ISG20: variants seen among roughly 807,000 people sequenced by gnomAD.
ISG20 encodes interferon stimulated exonuclease gene 20, also known as interferon-stimulated gene 20 kDa protein.
Under a neutral mutation model 11.1 loss-of-function variants are expected in ISG20, and 8 were observed. The observed-to-expected ratio is 0.72, with a 90% CI of 0.42 to 1.30. The LOEUF (loss-of-function observed/expected upper bound fraction) is 1.30. ISG20 is among the 50% of genes most tolerant of loss of function. ISG20 has a pLI of 0.01. For synonymous variants in ISG20, 110 were observed against 101.7 expected, an observed-to-expected ratio of 1.08 and a Z score of -0.49; for missense variants, 243 against 250.2, an observed-to-expected ratio of 0.97 and a Z score of 0.19.
At chr15:88,641,364 G>A (rs1413287057) in intron 2 of ISG20, among the ~76,000 whole-genome samples, 3 of 152,090 alleles carry the variant, frequency 2.0e-5, no homozygotes, top group Admixed American at 6.5e-5. Flanking sequence ...TGTTAGGGCT[G>A]CCATAACAAA....
intron 3 of ISG20, among the ~76,000 whole-genome samples, chr15:88,652,783 G>A (rs2058309022): frequency 6.7e-6 from 1 of 150,286 alleles, no homozygotes. Context: ...TGCTTTTGTT[G>A]TTGAAATCAA....
At chr15:88,636,999 A>G (rs756306018), upstream of ISG20, among the ~76,000 whole-genome samples, 3 of 148,992 alleles carry the variant, frequency 2.0e-5, no homozygotes, top group Non-Finnish European at 4.4e-5. Flanking sequence ...GAAGACAGAA[A>G]GAGCCAGTGT....
At position 88,655,468 on chromosome 15, in the gene ISG20, C is replaced by T; in HGVS notation, c.483C>T (p.Leu161=). Residue 161 remains leucine, a synonymous_variant, in exon 4 of 4, where the codon CTC becomes CTT. Transcript: ENST00000306072. ...SVEDARATME[L]YQISQRIRAR... is the part of the protein sequence containing the mutation. The stretch of plus-strand genomic sequence containing the variant: ...AAGATGCGAGGGCAACGATGGAGCT[C>T]TATCAAATCTCCCAGAGAATCCGAG... The T allele has an allele frequency of 1.9e-6, 3 of 1,614,008 alleles. No homozygotes were observed. Among genetic ancestry groups the T allele is most frequent in the Non-Finnish European group, 2.5e-6 (3 of 1,180,006 alleles).
upstream of ISG20, among the ~76,000 whole-genome samples, chr15:88,636,517 C>T (rs1317167473): frequency 6.6e-6 from 1 of 152,118 alleles, no homozygotes; most frequent in Non-Finnish European, 1.5e-5. Context: ...GTGCTAATTC[C>T]TATGGGAAAA....
At chr15:88,640,511 A>G (rs1450090153) in intron 2 of ISG20, among the ~76,000 whole-genome samples, 1 of 152,218 alleles carries the variant, frequency 6.6e-6, no homozygotes, top group Non-Finnish European at 1.5e-5. Flanking sequence ...TTTCAATCTC[A>G]GTTCCCATTA....
rs2058038369 is a variant in ISG20 at position 88,639,283 on chromosome 15, G to A, written c.-24-60G>A. 2.8e-6 allele frequency: 3 copies of A among 1,077,180 alleles called. No individual in the cohort carries two copies. The highest frequency in any genetic ancestry group is 4.0e-6 in the Non-Finnish European group (3 of 749,632). 66.7% of individuals were successfully genotyped at this position (1,077,180 alleles called of 1,614,324 possible). On this transcript the variant is annotated intron_variant, in intron 1 of 3. Coordinates refer to ENST00000306072, the MANE Select transcript of ISG20 (RefSeq NM_002201.6). This position sits in a 1 kb window ranked among gnomAD's most constrained non-coding sequence, Gnocchi z 4.2. ...GGTAAGGCCAGCTGGGGTTGGCTGA[G>A]GACACCTGGAGGCTTGGTTTGCCCA... is the stretch of plus-strand genomic sequence containing the variant.
intron 2 of ISG20, chr15:88,648,022 C>T (rs2058208490): frequency 6.6e-6 from 1 of 152,366 alleles, no homozygotes; most frequent in East Asian, 1.9e-4. Flanking sequence ...CTTGTGGGAA[C>T]CAGGCACTAG....
chr15:88,646,638 C>T (rs568612316), intron 2 of ISG20, among the ~76,000 whole-genome samples: 2 of 152,336 alleles, frequency 1.3e-5, no homozygotes, highest in East Asian at 1.9e-4. Flanking sequence ...ACAGATCAGG[C>T]TCACGGGCCC....
In ISG20 at chr15:88,643,917, A is replaced by G. The variant is rs1043225646; in HGVS notation, c.228+4323A>G. 1.3e-5 allele frequency among the ~76,000 whole-genome samples: 2 copies of G among 152,214 alleles called. No homozygotes were observed. The highest frequency in any genetic ancestry group is 4.8e-5 in the African/African-American group (2 of 41,454). ...GAAAATCTGAAATTTGAAATGTTCC[A>G]ATGAGCATTTCCTTTGAGCGTCATG... is the stretch of plus-strand genomic sequence containing the variant. On this transcript the variant is annotated intron_variant, in intron 2 of 3. Coordinates refer to ENST00000306072, the MANE Select transcript of ISG20 (RefSeq NM_002201.6). The surrounding 1 kb of genome is among the most constrained non-coding windows in gnomAD (Gnocchi z 4.4).
At chr15:88,648,130 G>A (rs1015369387) in intron 2 of ISG20, 3 of 152,236 alleles carry the variant, frequency 2.0e-5, no homozygotes, top group African/African-American at 4.8e-5. Context: ...CCTGTCCTCT[G>A]TAAGAACAAG....
chr15:88,653,920 T>C (rs933200838), intron 3 of ISG20, among the ~76,000 whole-genome samples: 4 of 152,180 alleles, frequency 2.6e-5, no homozygotes, highest in Admixed American at 2.0e-4. Flanking sequence ...GACCCTGCCA[T>C]TTATGAAGCC....
intron 3 of ISG20, among the ~76,000 whole-genome samples, chr15:88,653,761 G>T (rs1351442069): frequency 7.7e-6 from 1 of 130,550 alleles, no homozygotes; most frequent in African/African-American, 2.9e-5. Context: ...ACTGTGACCA[G>T]AACTGACCCA....
Position 88,643,903 on chromosome 15 carries a change from A to T in ISG20, c.228+4309A>T, listed in dbSNP as rs1343420705. On this transcript the variant is annotated intron_variant, in intron 2 of 3. Transcript: ENST00000306072. The surrounding 1 kb of genome is among the most constrained non-coding windows in gnomAD (Gnocchi z 4.4). ...AGCATCCCAAATTTGAAAATCTGAA[A>T]TTTGAAATGTTCCAATGAGCATTTC... 6.6e-6 allele frequency among the ~76,000 whole-genome samples: 1 copy of T among 152,214 alleles called. No homozygotes were observed. The highest frequency in any genetic ancestry group is 2.4e-5 in the African/African-American group (1 of 41,446).
intron 2 of ISG20, among the ~76,000 whole-genome samples, chr15:88,641,251 C>T (rs555305454): frequency 2.0e-5 from 3 of 152,298 alleles, no homozygotes; most frequent in East Asian, 1.9e-4. Context: ...CCGCCCACCT[C>T]GGCCTCCCAA....
intron 3 of ISG20, among the ~76,000 whole-genome samples, chr15:88,653,893 C>T (rs1381770699): frequency 6.6e-6 from 1 of 152,170 alleles, no homozygotes; most frequent in African/African-American, 2.4e-5. Context: ...GTAGACTGGG[C>T]TGCACAGGAA....
At position 88,651,837 on chromosome 15, in the gene ISG20, GA is replaced by G; in HGVS notation, c.229-270del. On this transcript the variant is annotated intron_variant, in intron 2 of 3. Transcript: ENST00000306072. ...ATGTTGAGGCACGCTTGGCACCTGG[GA>G]AATACTCAGGATGTACTAACCATTG... The G allele has an allele frequency of 3.1e-6, 4 of 1,300,346 alleles. No homozygotes were observed. In the Admixed American group the frequency reaches 1.0e-4, roughly 34 times the overall value. 80.6% of individuals were successfully genotyped at this position (1,300,346 alleles called of 1,614,324 possible).
Position 88,639,479 on chromosome 15 carries a change from T to C in ISG20, c.113T>C (p.Leu38Pro), listed in dbSNP as rs747496926. The change falls in exon 2 of 4, where the codon CTG becomes CCG. Residue 38 changes from leucine to proline, a missense_variant. Transcript: ENST00000306072. The surrounding 1 kb of genome is among the most constrained non-coding windows in gnomAD (Gnocchi z 4.2). ...CSLVNVHGAV[L>P]YDKFIRPEGE... is the part of the protein sequence containing the mutation. ...CTCGTGAACGTCCACGGTGCTGTGCTGTACGACAAGTTCATCCGGCCTGAG... is the reference window on the plus strand; with the variant it reads ...CTCGTGAACGTCCACGGTGCTGTGCCGTACGACAAGTTCATCCGGCCTGAG... 2 of 1,614,144 alleles carry C rather than the reference T, an allele frequency of 1.2e-6. No homozygotes were observed. Among genetic ancestry groups the C allele is most frequent in the Non-Finnish European group, 1.7e-6 (2 of 1,180,008 alleles).
rs1051187474 is a variant in ISG20, at chr15:88,644,128, T to C, written c.228+4534T>C. On this transcript the variant is annotated intron_variant, in intron 2 of 3. Coordinates refer to ENST00000306072, the MANE Select transcript of ISG20 (RefSeq NM_002201.6). ...TCTATGTAGGGAATTAAGTGGGCCA[T>C]AGGGAGCCATTGAAGATTCTTGAGC... Among the ~76,000 whole-genome samples the C allele has an allele frequency of 9.1e-4, 139 of 152,202 alleles. 1 individual carries two copies. Among genetic ancestry groups the C allele is most frequent in the Admixed American group, 2.6e-3 (40 of 15,278 alleles).
intron 2 of ISG20, 146 bp from the exon 3 acceptor site, chr15:88,651,964 A>G (rs1253012198): frequency 2.6e-5 from 38 of 1,461,688 alleles, no homozygotes; most frequent in Admixed American, 2.5e-5. Context: ...CTTCTTTTCA[A>G]AGATGATACA....
Sources: gnomAD v4.1 joint callset for allele counts (sites outside exome capture counted in the v4.1 genomes callset) on GRCh38, gnomAD v4.1.1 for gene constraint, Gnocchi (gnomAD v3.1) non-coding constraint, MANE v1.5 for transcripts, NCBI Gene and HGNC (gene_info 2026-07-23, HGNC 2026-07-21) for gene names.